The following MIA2 variants were observed in gnomAD, a reference collection of about 807,000 sequenced individuals.
MIA2 encodes the protein melanoma inhibitory activity protein 2.
MIA2 carries 127 observed loss-of-function variants against 167.8 expected under a neutral mutation model. The observed-to-expected ratio is 0.76, with a 90% CI of 0.66 to 0.88. The LOEUF is 0.88. Ranked by LOEUF, MIA2 falls within the 40% of genes least tolerant of loss-of-function variation. The pLI is 0.00. For synonymous variants in MIA2, 552 were observed against 541.9 expected (o/e 1.02, Z -0.26); for missense variants, 1,690 against 1,624.7 (o/e 1.04, Z -0.69).
chr14:39,279,371 T>C lies in MIA2; in HGVS notation c.2041+13T>C, dbSNP rs2058605803. The C allele has an allele frequency of 5.6e-6, 9 of 1,608,372 alleles. No homozygotes were observed. Among genetic ancestry groups the C allele is most frequent in the Non-Finnish European group, 7.6e-6 (9 of 1,178,612 alleles). On this transcript the variant is annotated intron_variant, in intron 8 of 28. Transcript: ENST00000640607. Reference sequence around the variant, plus strand: ...CGGCTTTATGTGGGTAAGTTCTTTTTTCTGCTTTGACTCTCATTGTTGTGT... The same window carrying C: ...CGGCTTTATGTGGGTAAGTTCTTTTCTCTGCTTTGACTCTCATTGTTGTGT...
At chr14:39,282,263 T>C (rs1241268196) in intron 9 of MIA2, among the ~76,000 whole-genome samples, 1 of 152,220 alleles carries the variant, frequency 6.6e-6, no homozygotes, top group African/African-American at 2.4e-5. Flanking sequence ...TGACTTTCTT[T>C]TATGTAAAAT....
At chr14:39,352,047 T>G (rs796646330), downstream of MIA2, among the ~76,000 whole-genome samples, 1 of 152,318 alleles carries the variant, frequency 6.6e-6, no homozygotes, top group African/African-American at 2.4e-5. Context: ...AGTAATAGGC[T>G]AATGATACAT....
In MIA2 at chr14:39,314,374, C is replaced by T. The variant is rs534657584; in HGVS notation, c.3120-365C>T. On this transcript the variant is annotated intron_variant, in intron 19 of 28. Coordinates refer to ENST00000640607, the MANE Select transcript of MIA2 (RefSeq NM_001329214.4). Reference sequence around the variant, plus strand: ...TGCACTGCATACTGGGCAACAAGAGCGACACTCTGTTTAAAAAAAAAAAAA... The same window carrying T: ...TGCACTGCATACTGGGCAACAAGAGTGACACTCTGTTTAAAAAAAAAAAAA... Among the ~76,000 whole-genome samples the T allele has an allele frequency of 6.0e-5, 7 of 115,932 alleles. No homozygotes were observed. In the East Asian group the frequency reaches 1.0e-3, roughly 17 times the overall value. 76.1% of individuals were successfully genotyped at this position (115,932 alleles called of 152,430 possible). A position where few individuals can be genotyped will look rare whatever the true frequency, so the allele number is the denominator to read the frequency against.
At chr14:39,339,586 A>T (rs1040357749) in intron 25 of MIA2, among the ~76,000 whole-genome samples, 1 of 152,344 alleles carries the variant, frequency 6.6e-6, no homozygotes, top group Non-Finnish European at 1.5e-5. Flanking sequence ...AAGATAAATT[A>T]TTAAAAAGGT....
rs569440142 is a variant in MIA2 at position 39,247,134 on chromosome 14, T to C, written c.560T>C (p.Ile187Thr). Residue 187 changes from isoleucine to threonine, a missense_variant, in exon 4 of 29, where the codon ATC becomes ACC. Coordinates refer to ENST00000640607, the MANE Select transcript of MIA2 (RefSeq NM_001329214.4). ...CCAGCATTAGAGGCTCCTGAAGATA[T>C]CGGAAGTACCAGTGAATCAAAAGAC... ...QVPALEAPED[I>T]GSTSESKDWE... The C allele has an allele frequency of 1.4e-5, 23 of 1,613,912 alleles. No homozygotes were observed. In the African/African-American group the frequency reaches 3.1e-4, roughly 22 times the overall value.
In MIA2 at chr14:39,279,473, T is replaced by C; in HGVS notation, c.2066T>C (p.Met689Thr). ...GGACGAGAGAAAAAGCTTGCTCTAA[T>C]GCTTTCTGGACTAATTGAAGAAAAA... ...YVGREKKLALMLSGLIEEKSK... is the reference protein window; with the variant it reads ...YVGREKKLALTLSGLIEEKSK... The change falls in exon 9 of 29, where the codon ATG becomes ACG. Residue 689 changes from methionine (M) to threonine (T), a missense_variant. Physicochemically the swap from Met to Thr is moderately conservative, Grantham distance 81. Transcript: ENST00000640607. The C allele has an allele frequency of 1.2e-6, 2 of 1,609,470 alleles. No homozygotes were observed. The highest frequency in any genetic ancestry group is 1.7e-5 in the Admixed American group (1 of 59,230).
chr14:39,260,301 G>C (rs1330763649), intron 6 of MIA2, among the ~76,000 whole-genome samples: 1 of 152,190 alleles, frequency 6.6e-6, no homozygotes, highest in African/African-American at 2.4e-5. Context: ...CACAGTGGTT[G>C]AACTAGTTTA....
chr14:39,320,467 C>G (rs1404875406), intron 23 of MIA2, among the ~76,000 whole-genome samples: 1 of 152,080 alleles, frequency 6.6e-6, no homozygotes, highest in Non-Finnish European at 1.5e-5. Flanking sequence ...TCTTCATAAT[C>G]TGAGCATTAT....
chr14:39,381,914 G>A (rs1424254297), intron 23 of MIA2, among the ~76,000 whole-genome samples: 1 of 152,108 alleles, frequency 6.6e-6, no homozygotes, highest in African/African-American at 2.4e-5. Flanking sequence ...AGCTCTTAAT[G>A]GTAAGGAGAA....
intron 15 of MIA2, among the ~76,000 whole-genome samples, chr14:39,302,695 A>G (rs926516653): frequency 1.7e-4 from 26 of 152,186 alleles, no homozygotes; most frequent in Admixed American, 1.7e-3. Context: ...CATTCAAATT[A>G]TTATTGCCAT....
In MIA2 at chr14:39,289,555, C is replaced by G. The variant is rs79506083; in HGVS notation, c.2131-1464C>G. On this transcript the variant is annotated intron_variant, in intron 9 of 28. Coordinates refer to ENST00000640607, the MANE Select transcript of MIA2 (RefSeq NM_001329214.4). ...TGGTAAGGACATTAATTTCCTTTTG[C>G]TGCTGTAACAAATTAGTGCAACCTA... Among the ~76,000 whole-genome samples the G allele has an allele frequency of 6.4e-3, 970 of 152,268 alleles. 11 individuals are homozygous for G. The highest frequency in any genetic ancestry group is 0.022 in the African/African-American group (895 of 41,548).
chr14:39,256,454 A>G lies in MIA2; in HGVS notation c.1887+3283A>G, dbSNP rs545977940. 7.9e-5 allele frequency among the ~76,000 whole-genome samples: 12 copies of G among 152,306 alleles called. No individual in the cohort carries two copies. In the East Asian group the frequency reaches 2.1e-3, roughly 27 times the overall value. ...TTGTAGTTTCAGGTAGATTTTGTGC[A>G]GAACATACTTGCTTTGTAATGTTCA... On this transcript the variant is annotated intron_variant, in intron 6 of 28. Coordinates refer to ENST00000640607, the MANE Select transcript of MIA2 (RefSeq NM_001329214.4).
In MIA2 at chr14:39,248,133, G is replaced by C; in HGVS notation, c.1559G>C (p.Ser520Thr). 2 of 1,436,024 alleles carry C rather than the reference G, an allele frequency of 1.4e-6. No homozygotes were observed. The highest frequency in any genetic ancestry group is 1.9e-6 in the Non-Finnish European group (2 of 1,075,304). 89.0% of individuals were successfully genotyped at this position (1,436,024 alleles called of 1,614,324 possible). ...TKVMIFKSSY[S>T]LSDMVSNIEL... ...GTTATGATATTCAAAAGTTCATACA[G>C]TCTGTCAGGTTGGTATGAAAATATT... The change falls in exon 4 of 29, where the codon AGT becomes ACT. Residue 520 changes from serine (S) to threonine (T), a missense_variant. Physicochemically the swap from Ser to Thr is moderately conservative, Grantham distance 58. Transcript: ENST00000640607.
At chr14:39,302,076 C>G in intron 14 of MIA2, 53 bp from the exon 15 acceptor site, 1 of 1,564,384 alleles carries the variant, frequency 6.4e-7, no homozygotes, top group Non-Finnish European at 8.7e-7. Flanking sequence ...AGTTGTAAAG[C>G]TGTTAGCATA....
rs951317125 is a variant in MIA2 at position 39,310,505 on chromosome 14, A to G, written c.3017+1918A>G. On this transcript the variant is annotated intron_variant, in intron 18 of 28. Transcript: ENST00000640607. The stretch of plus-strand genomic sequence containing the variant: ...ATTAAAGAAAGTATCTTTAAACAGA[A>G]GCACACAAAAAAACAAGGTTATATA... Among the ~76,000 whole-genome samples, 9 of 152,204 alleles carry G rather than the reference A, an allele frequency of 5.9e-5. No homozygotes were observed. The East Asian group carries it at 1.7e-3, about 29-fold the overall frequency.
intron 4 of MIA2, among the ~76,000 whole-genome samples, chr14:39,249,257 C>CA (rs1377310345): frequency 6.6e-6 from 1 of 152,136 alleles, no homozygotes; most frequent in Non-Finnish European, 1.5e-5. Context: ...CCCTCGACCT[C>CA]AGCCTCCTGA....
At chr14:39,262,953 A>C (rs925448287) in intron 6 of MIA2, among the ~76,000 whole-genome samples, 2 of 152,192 alleles carry the variant, frequency 1.3e-5, no homozygotes. Context: ...CAATCATGTC[A>C]CCTGCAAACA....
rs555723674 is a variant in MIA2, at chr14:39,244,949, G to A, written c.337-1962G>A. Among the ~76,000 whole-genome samples the A allele has an allele frequency of 2.5e-3, 374 of 152,004 alleles. 1 individual carries two copies. Among genetic ancestry groups the A allele is most frequent in the African/African-American group, 6.4e-3 (267 of 41,458 alleles). ...ATGCCACTATGCCTGGCTAATTTTT[G>A]TATTTTTTTGTAGAGACAGGGGTTC... On this transcript the variant is annotated intron_variant, in intron 3 of 28. Coordinates refer to ENST00000640607, the MANE Select transcript of MIA2 (RefSeq NM_001329214.4).
At chr14:39,237,496 C>G (rs2053809516) in intron 2 of MIA2, among the ~76,000 whole-genome samples, 1 of 152,044 alleles carries the variant, frequency 6.6e-6, no homozygotes, top group South Asian at 2.1e-4. Flanking sequence ...TATTAAGAAC[C>G]CTTAATGTAT....
Sources: allele counts gnomAD v4.1 joint callset (sites outside exome capture counted in the v4.1 genomes callset), GRCh38; gene constraint gnomAD v4.1.1; transcripts MANE v1.5; gene names NCBI Gene and HGNC (gene_info 2026-07-23, HGNC 2026-07-21).